The following AGO3 variants were observed in gnomAD, a reference collection of about 807,000 sequenced individuals.
AGO3 encodes the protein argonaute RISC catalytic component 3.
Under a neutral mutation model 105.5 loss-of-function variants are expected in AGO3, and 16 were observed. The observed-to-expected ratio is 0.15, with a 90% CI of 0.10 to 0.23. AGO3 has a LOEUF of 0.23. Among genes scored for constraint, AGO3 ranks in the 10% least tolerant of loss-of-function variants. AGO3 has a pLI of 1.00. For missense variants in AGO3, 534 were observed against 1,088.0 expected (o/e 0.49, Z 7.16); for synonymous variants, 340 against 367.3 (o/e 0.93, Z 0.85).
intron 17 of AGO3, 71 bp from the exon 18 acceptor site, chr1:36,054,871 GACTT>G (rs1197476813): frequency 2.8e-6 from 4 of 1,426,640 alleles, no homozygotes; most frequent in Non-Finnish European, 3.9e-6. Flanking sequence ...GACAGAGCAA[GACTT>G]TGTCTCAAAA....
intron 12 of AGO3, among the ~76,000 whole-genome samples, chr1:36,033,822 A>G (rs1451887710): frequency 6.6e-6 from 1 of 152,192 alleles, no homozygotes; most frequent in Non-Finnish European, 1.5e-5. Context: ...ACATTAAAAT[A>G]ATATAAATGA....
chr1:36,010,022 T>C (rs1322794555), intron 9 of AGO3, among the ~76,000 whole-genome samples: 1 of 146,306 alleles, frequency 6.8e-6, no homozygotes, highest in African/African-American at 2.5e-5. Flanking sequence ...CACTGCAAGC[T>C]CTGCCTCCCA....
At chr1:36,031,237 C>T (rs946418685) in intron 12 of AGO3, among the ~76,000 whole-genome samples, 2 of 152,188 alleles carry the variant, frequency 1.3e-5, no homozygotes, top group South Asian at 2.1e-4. Flanking sequence ...TATTGTCAGG[C>T]ATGACCATAG....
intron 11 of AGO3, among the ~76,000 whole-genome samples, chr1:36,020,768 A>T (rs539163545): frequency 1.1e-4 from 16 of 152,058 alleles, no homozygotes; most frequent in Admixed American, 3.3e-4. Flanking sequence ...GGCGCATGCC[A>T]CCATGCCTTG....
At chr1:36,032,240 A>G (rs1043889466) in intron 12 of AGO3, among the ~76,000 whole-genome samples, 2 of 152,148 alleles carry the variant, frequency 1.3e-5, no homozygotes, top group African/African-American at 4.8e-5. Flanking sequence ...GCTTTTTGAT[A>G]GTAGCCATCC....
At chr1:35,954,675 T>C (rs1356694223) in intron 2 of AGO3, among the ~76,000 whole-genome samples, 2 of 152,250 alleles carry the variant, frequency 1.3e-5, no homozygotes, top group African/African-American at 4.8e-5. Context: ...GTTCTAGCAA[T>C]AATACAATAG....
At chr1:36,016,815 A>G (rs1440369243) in intron 11 of AGO3, among the ~76,000 whole-genome samples, 1 of 152,128 alleles carries the variant, frequency 6.6e-6, no homozygotes, top group Non-Finnish European at 1.5e-5. Context: ...TTTAGGATCT[A>G]TCTCTTTCTT....
intron 11 of AGO3, among the ~76,000 whole-genome samples, chr1:36,016,975 A>T (rs966658658): frequency 6.6e-6 from 1 of 152,184 alleles, no homozygotes; most frequent in Non-Finnish European, 1.5e-5. Context: ...TTAGGTCCTC[A>T]CTTAGGTAAG....
intron 11 of AGO3, among the ~76,000 whole-genome samples, chr1:36,022,397 T>G (rs970780307): frequency 6.6e-6 from 1 of 152,202 alleles, no homozygotes; most frequent in African/African-American, 2.4e-5. Flanking sequence ...TGCAGTATTA[T>G]TCATTTTGAA....
At chr1:35,956,311 G>C (rs1347990301) in intron 2 of AGO3, among the ~76,000 whole-genome samples, 1 of 152,132 alleles carries the variant, frequency 6.6e-6, no homozygotes, top group African/African-American at 2.4e-5. Context: ...GAAGGGACCA[G>C]GTTTTTGTAT....
At chr1:35,992,661 C>T (rs1347633754) in intron 5 of AGO3, among the ~76,000 whole-genome samples, 1 of 152,132 alleles carries the variant, frequency 6.6e-6, no homozygotes, top group Non-Finnish European at 1.5e-5. Context: ...TAAATTTCAA[C>T]CCATAAAGGA....
chr1:35,979,335 G>A (rs1246467299), intron 5 of AGO3, among the ~76,000 whole-genome samples: 1 of 151,970 alleles, frequency 6.6e-6, no homozygotes, highest in African/African-American at 2.4e-5. Flanking sequence ...CTGCACCCCA[G>A]CCTTGGGACA....
chr1:36,045,899 A>G (rs274737), intron 17 of AGO3, among the ~76,000 whole-genome samples: 21,035 of 152,066 alleles, frequency 0.14, 3,409 homozygotes, highest in East Asian at 0.66. Context: ...GCATCAGAGG[A>G]GTAACAGAAA....
At chr1:35,970,617 A>C (rs561012173) in intron 3 of AGO3, among the ~76,000 whole-genome samples, 2 of 151,778 alleles carry the variant, frequency 1.3e-5, no homozygotes, top group African/African-American at 4.8e-5. Flanking sequence ...CTTGAATTAG[A>C]GCTTCCTTTT....
intron 11 of AGO3, among the ~76,000 whole-genome samples, chr1:36,022,286 C>A (rs887578505): frequency 6.6e-6 from 1 of 151,984 alleles, no homozygotes; most frequent in Admixed American, 6.6e-5. Flanking sequence ...AGGCTAGTTT[C>A]AAACTCCTGG....
At chr1:35,978,352 G>T (rs1205474019) in intron 5 of AGO3, among the ~76,000 whole-genome samples, 3 of 152,050 alleles carry the variant, frequency 2.0e-5, no homozygotes, top group Non-Finnish European at 2.9e-5. Context: ...ACGACACCCA[G>T]CTAATTTTTT....
intron 1 of AGO3, among the ~76,000 whole-genome samples, chr1:35,936,357 T>TA (rs894468408): frequency 2.0e-5 from 3 of 152,134 alleles, no homozygotes; most frequent in South Asian, 2.1e-4. Context: ...TTGGTTATAA[T>TA]AAAAAAAAGT....
intron 5 of AGO3, among the ~76,000 whole-genome samples, chr1:35,982,247 G>T (rs1044502293): frequency 6.6e-6 from 1 of 152,126 alleles, no homozygotes; most frequent in Non-Finnish European, 1.5e-5. Flanking sequence ...GGGCAACATA[G>T]TGAGACCCCA....
At chr1:35,994,137 A>G (rs1318907981) in intron 5 of AGO3, among the ~76,000 whole-genome samples, 1 of 140,758 alleles carries the variant, frequency 7.1e-6, no homozygotes, top group East Asian at 2.1e-4. Context: ...TGCAGCCTCA[A>G]CCTCCCGAGC....
Sources: allele counts gnomAD v4.1 joint callset (sites outside exome capture counted in the v4.1 genomes callset), GRCh38; gene constraint gnomAD v4.1.1; transcripts MANE v1.5; gene names NCBI Gene and HGNC (gene_info 2026-07-23, HGNC 2026-07-21).